The following PDE9A variants were observed in gnomAD, a reference collection of about 807,000 sequenced individuals.
PDE9A encodes the protein phosphodiesterase 9A.
A neutral mutation model predicts 87.4 loss-of-function variants in PDE9A; 60 were observed. The ratio of observed to expected loss-of-function variants is 0.69; its 90% CI spans 0.56 to 0.85. The LOEUF is 0.85. PDE9A is among the 40% of genes least tolerant of loss of function. The probability of loss-of-function intolerance (pLI) is 0.00; values close to 1 mark genes in which losing one functional copy is unlikely to be tolerated. For missense variants in PDE9A, 665 were observed against 779.0 expected, an observed-to-expected ratio of 0.85 and a Z score of 1.74; for synonymous variants, 272 against 279.4, an observed-to-expected ratio of 0.97 and a Z score of 0.27.
chr21:42,660,877 C>G lies in PDE9A; in HGVS notation c.69+6994C>G, dbSNP rs73905720. 0.028 allele frequency among the ~76,000 whole-genome samples: 4,193 copies of G among 152,180 alleles called. 193 individuals carry two copies. Among genetic ancestry groups the G allele is most frequent in the African/African-American group, 0.095 (3,960 of 41,488 alleles). ...CCCATCCCTGACTGCCTGTCTCCCC[C>G]CTCACCCTGACCACATCTCCCCAAA... On this transcript the variant is annotated intron_variant, in intron 1 of 19. Transcript: ENST00000291539. The surrounding 1 kb of genome is among the most constrained non-coding windows in gnomAD (Gnocchi z 4.7).
intron 3 of PDE9A, chr21:42,697,338 A>G: frequency 1.2e-6 from 1 of 835,426 alleles, no homozygotes; most frequent in Admixed American, 1.9e-5. Flanking sequence ...ATCAAACCAC[A>G]TGTATTGCCC....
chr21:42,699,568 A>T (rs2401094), intron 4 of PDE9A, among the ~76,000 whole-genome samples: 5,092 of 26,594 alleles, frequency 0.19, 132 homozygotes, highest in African/African-American at 0.33. Flanking sequence ...TTTTTTTTTT[A>T]AAAAAAAACG....
chr21:42,761,550 T>G (rs377555636), intron 13 of PDE9A, among the ~76,000 whole-genome samples: 2 of 152,204 alleles, frequency 1.3e-5, no homozygotes, highest in East Asian at 3.9e-4. Context: ...AACTGTGTGT[T>G]TGTGTGATGT....
rs2059894663 is a variant in PDE9A at position 42,692,347 on chromosome 21, G to C, written c.218+4353G>C. 6.6e-6 allele frequency among the ~76,000 whole-genome samples: 1 copy of C among 152,162 alleles called. No individual in the cohort carries two copies. The highest frequency in any genetic ancestry group is 2.4e-5 in the African/African-American group (1 of 41,450). On this transcript the variant is annotated intron_variant, in intron 3 of 19. Coordinates refer to ENST00000291539, the MANE Select transcript of PDE9A (RefSeq NM_002606.3). This position sits in a 1 kb window ranked among gnomAD's most constrained non-coding sequence, Gnocchi z 4.3. ...TTGTATCTGATGGGTGGAGACCCGG[G>C]ATGCCAATGGCATCCTACAGCGCAC... is the stretch of plus-strand genomic sequence containing the variant.
At chr21:42,756,529 C>G (rs1169933425) in intron 10 of PDE9A, among the ~76,000 whole-genome samples, 1 of 152,338 alleles carries the variant, frequency 6.6e-6, no homozygotes, top group East Asian at 1.9e-4. Flanking sequence ...GCTGCTGTGT[C>G]CTCCCATGTG....
intron 15 of PDE9A, among the ~76,000 whole-genome samples, chr21:42,766,047 A>C (rs1440839101): frequency 6.6e-6 from 1 of 152,250 alleles, no homozygotes; most frequent in Non-Finnish European, 1.5e-5. Context: ...CAAGGCACAC[A>C]AGGACCAGAG....
intron 1 of PDE9A, among the ~76,000 whole-genome samples, chr21:42,685,624 G>T (rs1337063581): frequency 6.6e-6 from 1 of 151,764 alleles, no homozygotes; most frequent in Non-Finnish European, 1.5e-5. Context: ...CTGCCACCAC[G>T]CCCGGCTAAT....
At chr21:42,657,161 T>C (rs1202113416) in intron 1 of PDE9A, among the ~76,000 whole-genome samples, 1 of 152,206 alleles carries the variant, frequency 6.6e-6, no homozygotes, top group Non-Finnish European at 1.5e-5. Flanking sequence ...TGTGCAGAAC[T>C]GGTAGCCATG....
intron 9 of PDE9A, among the ~76,000 whole-genome samples, chr21:42,752,700 G>C (rs561569541): frequency 1.3e-5 from 2 of 152,184 alleles, no homozygotes; most frequent in African/African-American, 4.8e-5. Flanking sequence ...CTCCAGATCT[G>C]TCCCCTTACA....
chr21:42,774,220 A>G (rs1461338558), intron 19 of PDE9A, among the ~76,000 whole-genome samples: 1 of 152,234 alleles, frequency 6.6e-6, no homozygotes, highest in Non-Finnish European at 1.5e-5. Flanking sequence ...TCAAGCATGC[A>G]AGGCTCAGGG....
At chr21:42,741,204 A>G (rs10451853) in intron 7 of PDE9A, 42,349 of 152,142 alleles carry the variant, frequency 0.28, 6,130 homozygotes, top group East Asian at 0.46. Context: ...TCCACAGGGC[A>G]TGGGTGGGAT....
chr21:42,726,620 A>ATTTTTTTT lies in PDE9A; in HGVS notation c.263-5149_263-5148insTTTTTTTT, dbSNP rs1246828424. ...TATATATATATATATATATATATAT[A>ATTTTTTTT]TATATTTTTTTTTTTTTTTTTGTAG... On this transcript the variant is annotated intron_variant, in intron 4 of 19. Coordinates refer to ENST00000291539, the MANE Select transcript of PDE9A (RefSeq NM_002606.3). 5.4e-3 allele frequency among the ~76,000 whole-genome samples: 130 copies of ATTTTTTTT among 24,222 alleles called. 3 individuals are homozygous for ATTTTTTTT. Among genetic ancestry groups the ATTTTTTTT allele is most frequent in the East Asian group, 8.0e-3 (4 of 500 alleles). The allele number at this position is 24,222 out of a possible 152,430, so 15.9% of individuals were successfully genotyped here.
intron 7 of PDE9A, among the ~76,000 whole-genome samples, chr21:42,737,624 A>C (rs2052600441): frequency 6.6e-6 from 1 of 152,102 alleles, no homozygotes; most frequent in South Asian, 2.1e-4. Context: ...TGTCCGGCTA[A>C]TTTTTGTATT....
intron 8 of PDE9A, among the ~76,000 whole-genome samples, chr21:42,748,039 T>C (rs2054046905): frequency 6.6e-6 from 1 of 152,164 alleles, no homozygotes; most frequent in South Asian, 2.1e-4. Flanking sequence ...CCTCCTCTGC[T>C]CCCAGCTCTG....
At chr21:42,666,169 T>C (rs1337514903) in intron 1 of PDE9A, among the ~76,000 whole-genome samples, 1 of 151,202 alleles carries the variant, frequency 6.6e-6, no homozygotes, top group African/African-American at 2.4e-5. Context: ...ATTCGTGCAG[T>C]GGGCGTGGTC....
chr21:42,745,252 C>T (rs1486178945), intron 8 of PDE9A, among the ~76,000 whole-genome samples: 5 of 152,116 alleles, frequency 3.3e-5, no homozygotes, highest in Non-Finnish European at 5.9e-5. Context: ...GGAGGAAGGC[C>T]GAGCGGAAGG....
chr21:42,670,251 A>G (rs1162554071), intron 1 of PDE9A, among the ~76,000 whole-genome samples: 3 of 134,124 alleles, frequency 2.2e-5, no homozygotes. Flanking sequence ...TCATACACAT[A>G]CATACATTCA....
chr21:42,768,174 ATC>A lies in PDE9A; in HGVS notation c.1357-10_1357-9del. On this transcript the variant is annotated splice_polypyrimidine_tract_variant and intron_variant, in intron 15 of 19. Transcript: ENST00000291539. ...TACCTCCTGTTACCTCAATTCCAAAATCTCTTCTTTCAGCTGAAGATGATTTT... is the reference window on the plus strand; with the variant it reads ...TACCTCCTGTTACCTCAATTCCAAAATCTTCTTTCAGCTGAAGATGATTTT... 6.5e-7 allele frequency: 1 copy of A among 1,546,188 alleles called. No individual in the cohort carries two copies. The highest frequency in any genetic ancestry group is 1.4e-5 in the African/African-American group (1 of 73,718).
chr21:42,728,872 G>A (rs2051419388), intron 4 of PDE9A, among the ~76,000 whole-genome samples: 1 of 151,810 alleles, frequency 6.6e-6, no homozygotes, highest in South Asian at 2.1e-4. Flanking sequence ...TTAGTGGCGG[G>A]CACCTATAAT....
Sources: allele counts gnomAD v4.1 joint callset (sites outside exome capture counted in the v4.1 genomes callset), GRCh38; gene constraint gnomAD v4.1.1; non-coding constraint Gnocchi (gnomAD v3.1); transcripts MANE v1.5; gene names NCBI Gene and HGNC (gene_info 2026-07-23, HGNC 2026-07-21).